Variants in RBFOX1 observed in about 807,000 individuals in gnomAD.
RBFOX1 encodes RNA binding protein fox-1 homolog 1.
In RBFOX1, 8 loss-of-function variants were observed where a neutral mutation model predicts 57.7. That is an observed-to-expected ratio of 0.14 (90% confidence interval 0.08 to 0.25). The LOEUF (loss-of-function observed/expected upper bound fraction) is 0.25, where lower values mean the gene tolerates loss of function less well. Ranked by LOEUF, RBFOX1 falls within the 10% of genes least tolerant of loss-of-function variation. RBFOX1 has a pLI of 1.00. For missense variants in RBFOX1, 611 were observed against 548.5 expected, an observed-to-expected ratio of 1.11 and a Z score of -1.14; for synonymous variants, 326 against 222.4, an observed-to-expected ratio of 1.47 and a Z score of -4.15.
chr16:5,702,978 T>G (rs906351110), intron 3 of RBFOX1, among the ~76,000 whole-genome samples: 1 of 152,218 alleles, frequency 6.6e-6, no homozygotes, highest in East Asian at 1.9e-4. Flanking sequence ...AAACATCATG[T>G]ACATCATGAT....
In RBFOX1 at chr16:7,099,823, A is replaced by G. The variant is rs556294211; in HGVS notation, c.27+47725A>G. Among the ~76,000 whole-genome samples, 9 of 152,310 alleles carry G rather than the reference A, an allele frequency of 5.9e-5. No homozygotes were observed. In the South Asian group the frequency reaches 1.2e-3, roughly 21 times the overall value. On this transcript the variant is annotated intron_variant, in intron 4 of 15. Transcript: ENST00000550418. ...GGGAGAAAAGAATGTGTGGGTTTCA[A>G]TAAAGGGTTATGGAGACCTAGGTTT...
intron 1 of RBFOX1, among the ~76,000 whole-genome samples, chr16:5,343,166 G>C (rs917709056): frequency 2.6e-5 from 4 of 152,098 alleles, no homozygotes; most frequent in African/African-American, 9.7e-5. Flanking sequence ...ACATTCATTG[G>C]CTACTCAAGA....
chr16:5,656,923 G>C (rs1296662052), intron 3 of RBFOX1, among the ~76,000 whole-genome samples: 1 of 152,084 alleles, frequency 6.6e-6, no homozygotes, highest in African/African-American at 2.4e-5. Context: ...CACACACTGG[G>C]ACCTGTCAGG....
chr16:7,271,236 C>A (rs1180502658), intron 4 of RBFOX1, among the ~76,000 whole-genome samples: 1 of 152,020 alleles, frequency 6.6e-6, no homozygotes, highest in Non-Finnish European at 1.5e-5. Context: ...TTTGTCTACA[C>A]GTGTTTCCTA....
At chr16:5,525,207 G>T (rs568780840) in intron 2 of RBFOX1, among the ~76,000 whole-genome samples, 1 of 152,114 alleles carries the variant, frequency 6.6e-6, no homozygotes, top group Non-Finnish European at 1.5e-5. Flanking sequence ...CCAGGGTCCG[G>T]TCTTCATCTT....
intron 2 of RBFOX1, among the ~76,000 whole-genome samples, chr16:6,612,662 G>T (rs1025957010): frequency 6.6e-6 from 1 of 151,802 alleles, no homozygotes; most frequent in African/African-American, 2.4e-5. Flanking sequence ...GATCAGCCTG[G>T]CCAACATGAC....
chr16:6,977,225 A>G (rs778628235), intron 3 of RBFOX1, among the ~76,000 whole-genome samples: 2 of 147,920 alleles, frequency 1.4e-5, no homozygotes, highest in African/African-American at 2.5e-5. Context: ...TTATCATATA[A>G]TCATATATGA....
At chr16:6,656,848 TAA>T (rs1204595386) in intron 3 of RBFOX1, among the ~76,000 whole-genome samples, 1 of 151,882 alleles carries the variant, frequency 6.6e-6, no homozygotes, top group East Asian at 1.9e-4. Flanking sequence ...GGACTTTTTT[TAA>T]AAAAGAGTCT....
rs1167173688 is a variant in RBFOX1 at position 6,054,810 on chromosome 16, TCTCA to T, written c.-127+34822_-127+34825del. On this transcript the variant is annotated intron_variant, in intron 1 of 15. Coordinates refer to ENST00000550418, the MANE Select transcript of RBFOX1 (RefSeq NM_018723.4). ...TATTATTATTATTTTTGAGACAGAG[TCTCA>T]CTCTGTTACCTGGGCTGGAGTGCAG... Among the ~76,000 whole-genome samples the T allele has an allele frequency of 2.0e-5, 3 of 152,204 alleles. No individual in the cohort carries two copies. In the East Asian group the frequency reaches 5.8e-4, roughly 29 times the overall value.
chr16:6,116,413 A>G (rs544387005), intron 1 of RBFOX1, among the ~76,000 whole-genome samples: 1 of 152,208 alleles, frequency 6.6e-6, no homozygotes, highest in Non-Finnish European at 1.5e-5. Context: ...AACTTAAAGT[A>G]TAATAATAAT....
At chr16:6,841,477 A>G (rs1406464521) in intron 3 of RBFOX1, among the ~76,000 whole-genome samples, 1 of 152,074 alleles carries the variant, frequency 6.6e-6, no homozygotes, top group Non-Finnish European at 1.5e-5. Context: ...ACCTGAGTGG[A>G]AGGGGAGAGT....
intron 1 of RBFOX1, among the ~76,000 whole-genome samples, chr16:6,302,587 A>T (rs1365547485): frequency 6.6e-6 from 1 of 152,192 alleles, no homozygotes; most frequent in African/African-American, 2.4e-5. Context: ...GTTGAACCAT[A>T]TGTACACTTT....
At chr16:5,728,814 T>A (rs2052250775) in intron 3 of RBFOX1, among the ~76,000 whole-genome samples, 1 of 151,992 alleles carries the variant, frequency 6.6e-6, no homozygotes, top group Non-Finnish European at 1.5e-5. Context: ...CTTTCTTCCC[T>A]CCCCACCTCC....
chr16:6,439,301 A>G (rs1031734068), intron 2 of RBFOX1, among the ~76,000 whole-genome samples: 14 of 152,186 alleles, frequency 9.2e-5, no homozygotes, highest in Admixed American at 1.3e-4. Context: ...ATCAAACACC[A>G]TCCACCCATG....
chr16:7,517,602 G>A (rs2076654142), intron 4 of RBFOX1, among the ~76,000 whole-genome samples: 1 of 151,238 alleles, frequency 6.6e-6, no homozygotes, highest in African/African-American at 2.4e-5. Context: ...ACAGACACTG[G>A]GACCATTAAA....
intron 2 of RBFOX1, among the ~76,000 whole-genome samples, chr16:6,566,785 C>G (rs2097272732): frequency 6.6e-6 from 1 of 152,160 alleles, no homozygotes; most frequent in African/African-American, 2.4e-5. Context: ...CCTTTGCTTA[C>G]TGTTTTAATA....
intron 3 of RBFOX1, among the ~76,000 whole-genome samples, chr16:6,906,497 A>G (rs1317383640): frequency 6.6e-6 from 1 of 152,230 alleles, no homozygotes; most frequent in Admixed American, 6.5e-5. Context: ...GCATTAAAAA[A>G]AAGTGAGTTT....
At chr16:5,444,522 A>G (rs2068182606) in intron 1 of RBFOX1, among the ~76,000 whole-genome samples, 1 of 152,128 alleles carries the variant, frequency 6.6e-6, no homozygotes, top group South Asian at 2.1e-4. Context: ...GGAACTGGCC[A>G]TTAATGAAGA....
chr16:6,816,643 G>A (rs886356405), intron 3 of RBFOX1, among the ~76,000 whole-genome samples: 16 of 151,256 alleles, frequency 1.1e-4, no homozygotes, highest in Admixed American at 9.2e-4. Flanking sequence ...GGGAGGCTGA[G>A]GCAGGAGAAT....
Sources: gnomAD v4.1 joint callset for allele counts (sites outside exome capture counted in the v4.1 genomes callset) on GRCh38, gnomAD v4.1.1 for gene constraint, MANE v1.5 for transcripts, NCBI Gene and HGNC (gene_info 2026-07-23, HGNC 2026-07-21) for gene names.